Variants in GNAT2 observed in about 807,000 individuals in gnomAD.
The protein encoded by GNAT2 is guanine nucleotide-binding protein G(t) subunit alpha-2.
In GNAT2, 32 loss-of-function variants were observed where a neutral mutation model predicts 40.9. That is an observed-to-expected ratio of 0.78 (90% CI 0.59 to 1.05). The LOEUF is 1.05. GNAT2 is among the 50% of genes least tolerant of loss of function. GNAT2 has a pLI of 0.00. For missense variants in GNAT2, 355 were observed against 431.5 expected (o/e 0.82, Z 1.57); for synonymous variants, 141 against 157.2 (o/e 0.90, Z 0.77).
At chr1:109,613,424 C>A in intron 1 of GNAT2, 1 of 169,560 alleles carries the variant, frequency 5.9e-6, no homozygotes, top group South Asian at 1.3e-4. Flanking sequence ...ATAGGCTGGT[C>A]CTGGCCAGGA....
intron 7 of GNAT2, chr1:109,604,614 G>T (rs1022307293): frequency 1.2e-5 from 2 of 172,304 alleles, no homozygotes; most frequent in African/African-American, 4.8e-5. Flanking sequence ...CTGCCACATG[G>T]TGAGAGTTAG....
intron 7 of GNAT2, chr1:109,604,847 T>C (rs1001447195): frequency 6.5e-6 from 1 of 153,350 alleles, no homozygotes; most frequent in Non-Finnish European, 1.5e-5. Flanking sequence ...TGTGGCTTTT[T>C]CCCCATAATA....
At chr1:109,604,382 G>C (rs978708609) in intron 7 of GNAT2, 9 of 452,744 alleles carry the variant, frequency 2.0e-5, no homozygotes, top group Non-Finnish European at 1.6e-5. Flanking sequence ...ATGAGATTGT[G>C]TATGTATATT....
intron 1 of GNAT2, chr1:109,615,092 GTTA>G (rs970274388): frequency 3.3e-5 from 5 of 152,298 alleles, no homozygotes; most frequent in South Asian, 2.1e-4. Flanking sequence ...TTATGTTATA[GTTA>G]TTATAATTAA....
Position 109,612,739 on chromosome 1 carries a change from C to T in GNAT2, c.118+14G>A, listed in dbSNP as rs750766880. ...ACCCCTGCCTTCTCTGGCTCATCTTCCCATCTCACTCACCCAGCAGTAGCA... is the reference window on the plus strand; with the variant it reads ...ACCCCTGCCTTCTCTGGCTCATCTTTCCATCTCACTCACCCAGCAGTAGCA... On this transcript the variant is annotated intron_variant, in intron 2 of 8. Transcript: ENST00000679935. The T allele has an allele frequency of 3.4e-6, 5 of 1,468,434 alleles. 1 individual carries two copies. Among genetic ancestry groups the T allele is most frequent in the South Asian group, 3.4e-5 (3 of 88,246 alleles). 91.0% of individuals were successfully genotyped at this position (1,468,434 alleles called of 1,614,324 possible). A position where few individuals can be genotyped will look rare whatever the true frequency, so the allele number is the denominator to read the frequency against.
intron 7 of GNAT2, 55 bp from the exon 8 acceptor site, chr1:109,604,159 C>T: frequency 7.4e-7 from 1 of 1,343,370 alleles, no homozygotes; most frequent in Non-Finnish European, 1.1e-6. Context: ...GAATATCTAC[C>T]TACTTCCTGC....
intron 8 of GNAT2, 162 bp from the exon 9 acceptor site, chr1:109,603,706 A>G (rs1649505240): frequency 2.9e-6 from 2 of 679,516 alleles, no homozygotes; most frequent in South Asian, 3.3e-5. Flanking sequence ...AGTGTTTCTC[A>G]CTTTAGTTGA....
In GNAT2 at chr1:109,612,773, G is replaced by A; in HGVS notation, c.98C>T (p.Thr33Ile). The change falls in exon 2 of 9, where the codon ACT (threonine) becomes ATT (isoleucine). Residue 33 changes from threonine to isoleucine, a missense_variant. Coordinates refer to ENST00000679935, the MANE Select transcript of GNAT2 (RefSeq NM_001377295.2). ...CTCACCCAGCAGTAGCAGCTTGACA[G>A]TCTTGGCTTCCTTATCAGCATCCTC... ...LQEDADKEAKTVKLLLLGAGE... is the reference protein window; with the variant it reads ...LQEDADKEAKIVKLLLLGAGE... 1 of 1,604,342 alleles carries A rather than the reference G, an allele frequency of 6.2e-7. No homozygotes were observed. Among genetic ancestry groups the A allele is most frequent in the Non-Finnish European group, 8.5e-7 (1 of 1,171,066 alleles).
chr1:109,612,544 C>A, intron 2 of GNAT2: 1 of 594,700 alleles, frequency 1.7e-6, no homozygotes, highest in Non-Finnish European at 3.0e-6. Context: ...TCTGGAATAG[C>A]CTTGGCATTC....
Position 109,603,992 on chromosome 1 carries a change from A to AT in GNAT2, c.832dup (p.Ile278AsnfsTer14), listed in dbSNP as rs1388641393. ...ACAAATGCTGAGATGGACTTTCTTGATTTTTTCCTCAAAGAGGTCCTTCTT... is the reference window on the plus strand; with the variant it reads ...ACAAATGCTGAGATGGACTTTCTTGATTTTTTTCCTCAAAGAGGTCCTTCTT... On this transcript the variant is annotated frameshift_variant, in exon 8 of 9. Transcript: ENST00000679935. LOFTEE classifies it high-confidence loss of function. The AT allele has an allele frequency of 3.1e-6, 5 of 1,611,388 alleles. No homozygotes were observed. The highest frequency in any genetic ancestry group is 3.4e-6 in the Non-Finnish European group (4 of 1,177,604).
intron 1 of GNAT2, chr1:109,614,222 ACT>A (rs953477666): frequency 2.6e-5 from 4 of 152,148 alleles, no homozygotes; most frequent in African/African-American, 9.7e-5. Flanking sequence ...ATCTCAGGTG[ACT>A]CTAAAGACAT....
chr1:109,603,557 A>C lies in GNAT2; in HGVS notation c.875-13T>G. ...TAGGAGTTGTTACCTGGTTTTCCAG[A>C]AAAATAGTGAAAAAGTAGAATAAAT... On this transcript the variant is annotated splice_polypyrimidine_tract_variant and intron_variant, in intron 8 of 8. Transcript: ENST00000679935. 6.5e-7 allele frequency: 1 copy of C among 1,535,184 alleles called. No homozygotes were observed. Among genetic ancestry groups the C allele is most frequent in the Admixed American group, 1.7e-5 (1 of 59,930 alleles).
At chr1:109,607,986 A>G (rs1226101296) in intron 5 of GNAT2, 2 of 161,268 alleles carry the variant, frequency 1.2e-5, no homozygotes, top group Non-Finnish European at 2.8e-5. Flanking sequence ...TTTGAAGCCC[A>G]TACTTGTCTA....
intron 1 of GNAT2, chr1:109,613,165 G>A (rs1649853898): frequency 2.5e-6 from 1 of 397,896 alleles, no homozygotes; most frequent in Non-Finnish European, 4.8e-6. Context: ...TATGGCAAGG[G>A]GTAAAGACTC....
chr1:109,609,604 C>T, intron 4 of GNAT2: 1 of 295,706 alleles, frequency 3.4e-6, no homozygotes, highest in Non-Finnish European at 6.6e-6. Flanking sequence ...TGCATTCCAG[C>T]CTGGGTAAGA....
chr1:109,606,154 C>CT, intron 6 of GNAT2, 55 bp from the exon 7 acceptor site: 1 of 1,602,188 alleles, frequency 6.2e-7, no homozygotes, highest in African/African-American at 1.3e-5. Flanking sequence ...ACCTATATGC[C>CT]TTTGATGGTC....
In GNAT2 at chr1:109,608,783, G is replaced by C; in HGVS notation, c.309C>G (p.Asp103Glu). Residue 103 changes from aspartate (D) to glutamate (E), a missense_variant, in exon 5 of 9, where the codon GAC (aspartate) becomes GAG (glutamate). Physicochemically the swap from Asp to Glu is conservative, Grantham distance 45. Coordinates refer to ENST00000679935, the MANE Select transcript of GNAT2 (RefSeq NM_001377295.2). ...CAGCCAGGTTGTTGAGCTGTCGCCC[G>C]TCATCCTGTAATGCAGAAACCTGGT... Reference protein sequence around the residue: ...IDYAEPSCADDGRQLNNLADS... With the variant: ...IDYAEPSCADEGRQLNNLADS... 1 of 1,613,612 alleles carries C rather than the reference G, an allele frequency of 6.2e-7. No individual in the cohort carries two copies. The highest frequency in any genetic ancestry group is 8.5e-7 in the Non-Finnish European group (1 of 1,179,542).
At chr1:109,606,573 A>G in intron 5 of GNAT2, 137 bp from the exon 6 acceptor site, 1 of 746,284 alleles carries the variant, frequency 1.3e-6, no homozygotes, top group East Asian at 2.7e-5. Flanking sequence ...TAAATTTAGG[A>G]TTCTTTCCTT....
chr1:109,610,814 C>T (rs1373170498), intron 2 of GNAT2: 2 of 469,768 alleles, frequency 4.3e-6, no homozygotes, highest in East Asian at 4.2e-5. Context: ...TTATGACAAC[C>T]AAAAGTGTCT....
Sources: gnomAD v4.1 joint callset for allele counts on GRCh38, gnomAD v4.1.1 for gene constraint, MANE v1.5 for transcripts, NCBI Gene and HGNC (gene_info 2026-07-23, HGNC 2026-07-21) for gene names.